ABCA1: variants seen among roughly 807,000 people sequenced by gnomAD.
ABCA1 encodes the protein ATP binding cassette subfamily A member 1, also known as phospholipid-transporting ATPase ABCA1.
A neutral mutation model predicts 262.5 loss-of-function variants in ABCA1; 133 were observed. That is an observed-to-expected ratio of 0.51 (90% CI 0.44 to 0.59). ABCA1 has a LOEUF of 0.59. Ranked by LOEUF, ABCA1 falls within the 20% of genes least tolerant of loss-of-function variation. ABCA1 has a pLI of 0.00. For missense variants in ABCA1, 2,452 were observed against 2,777.5 expected, an observed-to-expected ratio of 0.88 and a Z score of 2.63; for synonymous variants, 1,022 against 1,043.5, an observed-to-expected ratio of 0.98 and a Z score of 0.40.
intron 12 of ABCA1, 73 bp from the exon 13 acceptor site, chr9:104,831,900 C>A: frequency 7.2e-7 from 1 of 1,386,444 alleles, no homozygotes; most frequent in Non-Finnish European, 1.0e-6. Context: ...AAATCCTACA[C>A]TAGGAGGCAA....
rs1828561108 is a variant in ABCA1 at position 104,781,781 on chromosome 9, A to G, written c.*2534T>C. On this transcript the variant is annotated 3_prime_UTR_variant, in exon 50 of 50. Coordinates refer to ENST00000374736, the MANE Select transcript of ABCA1 (RefSeq NM_005502.4). ...CAAAAGCAGAAATTTTTGAACACGT[A>G]TTTTGAGAATTTCTGAAACTCACAT... 6.6e-6 allele frequency: 1 copy of G among 152,624 alleles called. No individual in the cohort carries two copies. Among genetic ancestry groups the G allele is most frequent in the Admixed American group, 6.5e-5 (1 of 15,284 alleles). 9.5% of individuals were successfully genotyped at this position (152,624 alleles called of 1,614,324 possible). A position where few individuals can be genotyped will look rare whatever the true frequency, so the allele number is the denominator to read the frequency against.
At chr9:104,860,696 T>C (rs1284769752) in intron 6 of ABCA1, among the ~76,000 whole-genome samples, 1 of 151,974 alleles carries the variant, frequency 6.6e-6, no homozygotes, top group Non-Finnish European at 1.5e-5. Flanking sequence ...AAGTTTTCTA[T>C]GATTCTAAAG....
chr9:104,903,191 C>T (rs1424542740), intron 2 of ABCA1, among the ~76,000 whole-genome samples: 1 of 152,212 alleles, frequency 6.6e-6, no homozygotes, highest in Non-Finnish European at 1.5e-5. Flanking sequence ...TCCAGATTGA[C>T]ACCAAGATAC....
rs187006749 is a variant in ABCA1, at chr9:104,835,375, G to A, written c.1311+1605C>T. ...TCCAGCCCAACCACCCTCCTCCACT[G>A]CAGACCTCAGTAGCCACTGGCCTAC... On this transcript the variant is annotated intron_variant, in intron 11 of 49. Coordinates refer to ENST00000374736, the MANE Select transcript of ABCA1 (RefSeq NM_005502.4). Among the ~76,000 whole-genome samples the A allele has an allele frequency of 3.1e-4, 47 of 152,060 alleles. No homozygotes were observed. The East Asian group carries it at 8.7e-3, about 28-fold the overall frequency.
chr9:104,882,028 TA>T (rs557626075), intron 5 of ABCA1, among the ~76,000 whole-genome samples: 6,493 of 72,682 alleles, frequency 0.089, 238 homozygotes, highest in Middle Eastern at 0.12. Flanking sequence ...TCTGTAGCCT[TA>T]AAAAAAAAAA....
At position 104,831,424 on chromosome 9, in the gene ABCA1, T is replaced by C. The variant is rs971085671; in HGVS notation, c.1715+198A>G. Reference sequence around the variant, plus strand: ...GTAGAAATGCTAAATCAAAAGATACTGTTATTTTATGACCTATGAAAAACC... The same window carrying C: ...GTAGAAATGCTAAATCAAAAGATACCGTTATTTTATGACCTATGAAAAACC... On this transcript the variant is annotated intron_variant, in intron 13 of 49. Transcript: ENST00000374736. 4.6e-5 allele frequency among the ~76,000 whole-genome samples: 7 copies of C among 152,262 alleles called. No homozygotes were observed. In the South Asian group the frequency reaches 1.5e-3, roughly 32 times the overall value.
chr9:104,891,273 A>G (rs1443279895), intron 2 of ABCA1, among the ~76,000 whole-genome samples: 1 of 152,204 alleles, frequency 6.6e-6, no homozygotes, highest in African/African-American at 2.4e-5. Flanking sequence ...CTTTTAAAAA[A>G]TCTTTTTGGC....
At chr9:104,836,145 A>T (rs928713483) in intron 11 of ABCA1, among the ~76,000 whole-genome samples, 4 of 152,196 alleles carry the variant, frequency 2.6e-5, no homozygotes, top group African/African-American at 9.7e-5. Flanking sequence ...TTTTAAAGGG[A>T]CTTCCTCAGT....
chr9:104,814,570 C>T (rs1351805999), intron 25 of ABCA1, 95 bp from the exon 26 acceptor site: 4 of 1,223,536 alleles, frequency 3.3e-6, no homozygotes, highest in Admixed American at 3.5e-5. Flanking sequence ...GGCATGTTAG[C>T]CCCGTAAGAC....
chr9:104,918,576 T>C (rs1841967640), intron 1 of ABCA1, among the ~76,000 whole-genome samples: 3 of 152,228 alleles, frequency 2.0e-5, no homozygotes. Context: ...AATAGCACTA[T>C]AGGTGTATTA....
chr9:104,880,077 C>T (rs1203257690), intron 5 of ABCA1, among the ~76,000 whole-genome samples: 1 of 152,144 alleles, frequency 6.6e-6, no homozygotes, highest in Admixed American at 6.5e-5. Context: ...GCTGTCAACA[C>T]CCAGAATGGG....
rs775923798 is a variant in ABCA1 at position 104,924,625 on chromosome 9, AG to A, written c.-93+3309del. On this transcript the variant is annotated intron_variant, in intron 1 of 49. Transcript: ENST00000374736. Reference sequence around the variant, plus strand: ...ACTCCATCTCAGAAAAAAAAAAAAAAGAAAAAGTATTTGGTTTTAAAAGTAT... The same window carrying A: ...ACTCCATCTCAGAAAAAAAAAAAAAAAAAAAGTATTTGGTTTTAAAAGTAT... Among the ~76,000 whole-genome samples, 942 of 103,322 alleles carry A rather than the reference AG, an allele frequency of 9.1e-3. 5 individuals are homozygous for A. Among genetic ancestry groups the A allele is most frequent in the Non-Finnish European group, 0.013 (555 of 43,520 alleles). 67.8% of individuals were successfully genotyped at this position (103,322 alleles called of 152,430 possible). A position where few individuals can be genotyped will look rare whatever the true frequency, so the allele number is the denominator to read the frequency against.
chr9:104,790,402 T>C (rs1014471106), intron 44 of ABCA1, among the ~76,000 whole-genome samples: 1 of 152,190 alleles, frequency 6.6e-6, no homozygotes, highest in African/African-American at 2.4e-5. Flanking sequence ...TATAGGTACA[T>C]GTACATAGGG....
intron 11 of ABCA1, 27 bp downstream of exon 11, chr9:104,836,953 C>A: frequency 1.3e-6 from 2 of 1,561,160 alleles, no homozygotes; most frequent in Non-Finnish European, 1.8e-6. Flanking sequence ...CAAGCAGGCA[C>A]ATGGTAATAA....
Position 104,785,423 on chromosome 9 carries a change from G to A in ABCA1, c.6618C>T (p.Tyr2206=). The A allele has an allele frequency of 6.2e-7, 1 of 1,614,084 alleles. No homozygotes were observed. The highest frequency in any genetic ancestry group is 1.1e-5 in the South Asian group (1 of 91,086). The change falls in exon 49 of 50, where the codon TAC becomes TAT. Residue 2206 remains tyrosine, a synonymous_variant. Coordinates refer to ENST00000374736, the MANE Select transcript of ABCA1 (RefSeq NM_005502.4). ...QSKKRLHIED[Y]SVSQTTLDQV... is the part of the protein sequence containing the mutation. ...GGTCAAGTGTTGTCTGAGAAACAGA[G>A]TAGTCTTCTATGTGGAGTCGCTTTT...
At chr9:104,909,088 T>G (rs1423764162) in intron 1 of ABCA1, among the ~76,000 whole-genome samples, 3 of 152,220 alleles carry the variant, frequency 2.0e-5, no homozygotes, top group Non-Finnish European at 4.4e-5. Flanking sequence ...AACTGGATAG[T>G]GTAAAGCCTG....
chr9:104,860,285 A>G (rs1012800619), intron 6 of ABCA1, among the ~76,000 whole-genome samples: 1 of 152,180 alleles, frequency 6.6e-6, no homozygotes, highest in Non-Finnish European at 1.5e-5. Flanking sequence ...TTTTAAACTG[A>G]TTAGATGTGA....
At chr9:104,825,927 C>A in intron 16 of ABCA1, 40 bp from the exon 17 acceptor site, 2 of 1,603,416 alleles carry the variant, frequency 1.2e-6, no homozygotes, top group South Asian at 2.2e-5. Context: ...ATTTCCTGGT[C>A]AGTCTCATTT....
In ABCA1 at chr9:104,928,071, C is replaced by G. The variant is rs1316067586; in HGVS notation, c.-229G>C. 2 of 152,302 alleles carry G rather than the reference C, an allele frequency of 1.3e-5. No individual in the cohort carries two copies. The highest frequency in any genetic ancestry group is 2.4e-5 in the African/African-American group (1 of 41,458). The allele number at this position is 152,302 out of a possible 1,614,324, so 9.4% of individuals were successfully genotyped here. A position where few individuals can be genotyped will look rare whatever the true frequency, so the allele number is the denominator to read the frequency against. On this transcript the variant is annotated 5_prime_UTR_variant, in exon 1 of 50. Coordinates refer to ENST00000374736, the MANE Select transcript of ABCA1 (RefSeq NM_005502.4). ...CCGGCTCTGTTGGTGCGCGGAGCTC[C>G]CCGCCCTGCCCTGCCGCAGCCCGGG...
Sources: gnomAD v4.1 joint callset for allele counts (sites outside exome capture counted in the v4.1 genomes callset) on GRCh38, gnomAD v4.1.1 for gene constraint, MANE v1.5 for transcripts, NCBI Gene and HGNC (gene_info 2026-07-23, HGNC 2026-07-21) for gene names.